Variants in CLCN7 observed in about 807,000 individuals in gnomAD.
The protein encoded by CLCN7 is H(+)/Cl(-) exchange transporter 7.
Under a neutral mutation model 102.1 loss-of-function variants are expected in CLCN7, and 60 were observed. The ratio of observed to expected loss-of-function variants is 0.59; its 90% confidence interval spans 0.48 to 0.73. CLCN7 has a LOEUF of 0.73. Among genes scored for constraint, CLCN7 ranks in the 30% least tolerant of loss-of-function variants. The pLI is 0.00. For synonymous variants in CLCN7, 560 were observed against 490.5 expected (o/e 1.14, Z -1.87); for missense variants, 962 against 1,125.7 (o/e 0.85, Z 2.08).
intron 1 of CLCN7, 61 bp downstream of exon 1, chr16:1,474,773 G>GCGC: frequency 8.2e-7 from 1 of 1,220,530 alleles, no homozygotes; most frequent in Non-Finnish European, 1.0e-6. Context: ...GGCTCACGAG[G>GCGC]GCGCGGGCTG....
chr16:1,461,800 G>C, intron 2 of CLCN7, 126 bp from the exon 3 acceptor site: 1 of 832,578 alleles, frequency 1.2e-6, no homozygotes. Flanking sequence ...CAAGAGAACT[G>C]CACATGGGGC....
intron 1 of CLCN7, among the ~76,000 whole-genome samples, chr16:1,474,612 C>CG (rs2039125520): frequency 6.6e-6 from 1 of 152,128 alleles, no homozygotes; most frequent in Admixed American, 6.5e-5. Context: ...CCCACGCAGC[C>CG]CTCCCGGCCA....
chr16:1,447,314 C>T (rs1048954592), intron 23 of CLCN7, 78 bp downstream of exon 23: 12 of 1,405,700 alleles, frequency 8.5e-6, no homozygotes, highest in Non-Finnish European at 1.2e-5. Flanking sequence ...CCCCCGGCTG[C>T]CCCTCCCCGA....
chr16:1,463,594 G>A (rs553913468), intron 2 of CLCN7, among the ~76,000 whole-genome samples: 88 of 152,164 alleles, frequency 5.8e-4, no homozygotes, highest in African/African-American at 1.9e-3. Context: ...CTGCCTCAGC[G>A]TCCTGAGTAG....
Position 1,448,701 on chromosome 16 carries a change from G to C in CLCN7, c.1863C>G (p.Thr621=), listed in dbSNP as rs375830369. 1 of 1,612,596 alleles carries C rather than the reference G, an allele frequency of 6.2e-7. No homozygotes were observed. Among genetic ancestry groups the C allele is most frequent in the Non-Finnish European group, 8.5e-7 (1 of 1,179,984 alleles). ...TGTACCTGGCAGTGAGTGAGTGTGAGGTGACCGGGGCCTCCCAGTGCAGGA... is the reference window on the plus strand; with the variant it reads ...TGTACCTGGCAGTGAGTGAGTGTGACGTGACCGGGGCCTCCCAGTGCAGGA... ...VPFLHWEAPV[T]SHSLTAREVM... The change falls in exon 20 of 25, where the codon ACC becomes ACG. Residue 621 remains threonine (T), a synonymous_variant. Transcript: ENST00000382745.
chr16:1,450,777 C>T (rs1423271344), intron 16 of CLCN7, 111 bp from the exon 17 acceptor site: 2 of 939,184 alleles, frequency 2.1e-6, no homozygotes, highest in Non-Finnish European at 3.1e-6. Flanking sequence ...AGCCCAGCAA[C>T]CTGAGCTCCC....
rs774184483 is a variant in CLCN7, at chr16:1,446,431, G to A, written c.*200C>T. The A allele has an allele frequency of 1.4e-6, 1 of 703,558 alleles. No individual in the cohort carries two copies. The highest frequency in any genetic ancestry group is 1.7e-5 in the African/African-American group (1 of 57,266). 43.6% of individuals were successfully genotyped at this position (703,558 alleles called of 1,614,324 possible). On this transcript the variant is annotated 3_prime_UTR_variant, in exon 25 of 25. Transcript: ENST00000382745. ...TGGGCCTGCGCAAGGAGGCGCCAAG[G>A]GGGGAGACCACTGCCCACAACAGGG...
At position 1,448,958 on chromosome 16, in the gene CLCN7, T is replaced by C. The variant is rs768408258; in HGVS notation, c.1797+8A>G. 10 of 1,612,238 alleles carry C rather than the reference T, an allele frequency of 6.2e-6. No individual in the cohort carries two copies. In the South Asian group the frequency reaches 8.8e-5, roughly 14 times the overall value. On this transcript the variant is annotated splice_region_variant and intron_variant, in intron 19 of 24. Transcript: ENST00000382745. ...CTCTCAGGGTGAGGCTTCGAGGCCC[T>C]GGCGCACCTCAATGAAGACGTCGCC...
At position 1,449,042 on chromosome 16, in the gene CLCN7, G is replaced by A; in HGVS notation, c.1721C>T (p.Thr574Ile). The A allele has an allele frequency of 6.2e-7, 1 of 1,612,838 alleles. No homozygotes were observed. The highest frequency in any genetic ancestry group is 8.5e-7 in the Non-Finnish European group (1 of 1,179,996). Reference sequence around the variant, plus strand: ...GGGGAAGCCGTAGGTCACGTTGCTGGTGGCCTCCATCATGATGACGGTCAG... The same window carrying A: ...GGGGAAGCCGTAGGTCACGTTGCTGATGGCCTCCATCATGATGACGGTCAG... ...LSLTVIMMEATSNVTYGFPIM... is the reference protein window; with the variant it reads ...LSLTVIMMEAISNVTYGFPIM... The change falls in exon 19 of 25, where the codon ACC becomes ATC. Residue 574 changes from threonine to isoleucine, a missense_variant. By Grantham distance (89) the Thr-to-Ile change is moderately conservative. Around this residue, in one of 2 missense-constraint regions of CLCN7, gnomAD observed 799 missense variants for 988.0 expected, o/e 0.81. Transcript: ENST00000382745.
chr16:1,473,207 C>G (rs2039101402), intron 1 of CLCN7, among the ~76,000 whole-genome samples: 1 of 152,192 alleles, frequency 6.6e-6, no homozygotes, highest in East Asian at 1.9e-4. Flanking sequence ...ATGCAGACTA[C>G]AGCACGGAGA....
chr16:1,456,257 C>T, intron 9 of CLCN7, 51 bp from the exon 10 acceptor site: 1 of 1,395,604 alleles, frequency 7.2e-7, no homozygotes, highest in South Asian at 1.2e-5. Context: ...GGGCACGGCT[C>T]TCAGAAAGGG....
Position 1,456,100 on chromosome 16 carries a change from C to T in CLCN7, c.916+13G>A, listed in dbSNP as rs752190862. ...CGAGGGCAAAGCATTGGACCCGGTG[C>T]GGCCCTCCTCACCCACGGGGGCTCC... On this transcript the variant is annotated intron_variant, in intron 10 of 24. Coordinates refer to ENST00000382745, the MANE Select transcript of CLCN7 (RefSeq NM_001287.6). 3.4e-5 allele frequency: 52 copies of T among 1,538,792 alleles called. No individual in the cohort carries two copies. The highest frequency in any genetic ancestry group is 8.2e-5 in the African/African-American group (6 of 72,932).
chr16:1,466,209 C>A (rs918536262), intron 1 of CLCN7, among the ~76,000 whole-genome samples: 1 of 152,380 alleles, frequency 6.6e-6, no homozygotes, highest in East Asian at 1.9e-4. Flanking sequence ...AGGAGTCCAG[C>A]GGCTGGTACC....
intron 4 of CLCN7, among the ~76,000 whole-genome samples, 187 bp from the exon 5 acceptor site, chr16:1,461,135 C>T (rs1041952036): frequency 2.0e-5 from 3 of 152,198 alleles, no homozygotes. Flanking sequence ...GAGGGTGACT[C>T]GGGGAGGTGG....
chr16:1,451,018 GC>G (rs898241901), intron 16 of CLCN7, among the ~76,000 whole-genome samples: 1 of 152,206 alleles, frequency 6.6e-6, no homozygotes, highest in Non-Finnish European at 1.5e-5. Context: ...GGAAGAGGGT[GC>G]CCCCCACAGC....
intron 17 of CLCN7, chr16:1,449,954 G>A (rs1019277907): frequency 4.0e-5 from 7 of 172,840 alleles, no homozygotes; most frequent in East Asian, 3.1e-4. Flanking sequence ...GCTTCCTGCC[G>A]GGGATGAGAA....
At chr16:1,465,424 C>G in intron 1 of CLCN7, 86 bp from the exon 2 acceptor site, 1 of 1,223,166 alleles carries the variant, frequency 8.2e-7, no homozygotes, top group South Asian at 1.3e-5. Context: ...GCACCCTGGC[C>G]TCGCCTGACC....
intron 11 of CLCN7, 36 bp from the exon 12 acceptor site, chr16:1,455,286 C>T: frequency 7.7e-7 from 1 of 1,304,512 alleles, no homozygotes; most frequent in Non-Finnish European, 1.1e-6. Flanking sequence ...GCCCTCAGAG[C>T]CACGCTCCCA....
intron 1 of CLCN7, among the ~76,000 whole-genome samples, chr16:1,468,008 G>A (rs113347481): frequency 0.066 from 10,062 of 152,160 alleles, 611 homozygotes; most frequent in African/African-American, 0.16. Flanking sequence ...GCTTGAGCCT[G>A]GGAAGTCGAG....
Sources: gnomAD v4.1 joint callset for allele counts (sites outside exome capture counted in the v4.1 genomes callset) on GRCh38, gnomAD v4.1.1 for gene constraint, gnomAD v4.1.1 regional missense constraint, MANE v1.5 for transcripts, NCBI Gene and HGNC (gene_info 2026-07-23, HGNC 2026-07-21) for gene names.